The following ROBO2 variants were observed in gnomAD, a reference collection of about 807,000 sequenced individuals.
ROBO2 encodes the protein roundabout guidance receptor 2.
Under a neutral mutation model 160.8 loss-of-function variants are expected in ROBO2, and 53 were observed. The observed-to-expected ratio is 0.33, with a 90% CI of 0.26 to 0.41. The LOEUF is 0.41. Ranked by LOEUF, ROBO2 falls within the 10% of genes least tolerant of loss-of-function variation. The pLI is 1.00. For missense variants in ROBO2, 1,577 were observed against 1,722.4 expected (o/e 0.92, Z 1.49); for synonymous variants, 664 against 611.7 (o/e 1.09, Z -1.26).
At chr3:76,487,149 AT>A (rs66948422) in intron 2 of ROBO2, among the ~76,000 whole-genome samples, 69 of 147,068 alleles carry the variant, frequency 4.7e-4, no homozygotes, top group Middle Eastern at 6.9e-3. Context: ...TTTTAATTTA[AT>A]TTTTTTTTTT....
At chr3:77,196,722 GGC>G (rs2082343264) in intron 2 of ROBO2, among the ~76,000 whole-genome samples, 1 of 151,868 alleles carries the variant, frequency 6.6e-6, no homozygotes, top group South Asian at 2.1e-4. Context: ...AATAAAAAAT[GGC>G]TTGAGTTAAG....
chr3:76,272,981 A>AATATATATTATATATAAAAT (rs1559706823), intron 2 of ROBO2, among the ~76,000 whole-genome samples: 2 of 86,098 alleles, frequency 2.3e-5, no homozygotes, highest in African/African-American at 9.7e-5. Flanking sequence ...AAATATATAT[A>AATATATATTATATATAAAAT]ATATATAATA....
chr3:76,266,097 C>G, intron 2 of ROBO2, among the ~76,000 whole-genome samples: 1 of 152,092 alleles, frequency 6.6e-6, no homozygotes, highest in East Asian at 1.9e-4. Context: ...ATTGCCTTTT[C>G]TGCTTTTATT....
At chr3:76,384,385 C>G (rs2076781434) in intron 2 of ROBO2, among the ~76,000 whole-genome samples, 1 of 152,068 alleles carries the variant, frequency 6.6e-6, no homozygotes, top group African/African-American at 2.4e-5. Flanking sequence ...TTAGCCAACC[C>G]TAAGGACCCT....
intron 2 of ROBO2, among the ~76,000 whole-genome samples, chr3:76,825,404 A>C (rs2597230): frequency 0.41 from 63,018 of 151,858 alleles, 15,616 homozygotes; most frequent in Non-Finnish European, 0.56. Flanking sequence ...CAATATAAAG[A>C]AACAAAAACT....
rs140858543 is a variant in ROBO2 at position 76,942,499 on chromosome 3, G to A, written c.110-155515G>A. ...TGCTTGGGAAGCACCACTGATGTTT[G>A]AAGAGTGTTGGCCTCACTTATCAAC... On this transcript the variant is annotated intron_variant, in intron 2 of 26. Transcript: ENST00000487694. Among the ~76,000 whole-genome samples, 632 of 152,308 alleles carry A rather than the reference G, an allele frequency of 4.1e-3. 4 individuals are homozygous for A. Among genetic ancestry groups the A allele is most frequent in the African/African-American group, 0.014 (600 of 41,568 alleles).
chr3:76,880,479 G>C (rs2073223593), intron 2 of ROBO2, among the ~76,000 whole-genome samples: 1 of 152,132 alleles, frequency 6.6e-6, no homozygotes, highest in Non-Finnish European at 1.5e-5. Flanking sequence ...AATGGTGTAA[G>C]TGTTTCTATA....
intron 16 of ROBO2, among the ~76,000 whole-genome samples, chr3:77,583,852 T>C (rs552866399): frequency 9.8e-5 from 15 of 152,304 alleles, no homozygotes; most frequent in Non-Finnish European, 1.6e-4. Context: ...AGTGATGTCT[T>C]AGTTTTTACA....
intron 2 of ROBO2, among the ~76,000 whole-genome samples, chr3:76,453,896 T>C (rs2077609452): frequency 1.3e-5 from 2 of 152,092 alleles, no homozygotes; most frequent in Admixed American, 1.3e-4. Flanking sequence ...ATTGACTCTA[T>C]TACAGATAAA....
intron 2 of ROBO2, among the ~76,000 whole-genome samples, chr3:76,451,944 CTCTT>C (rs2077495679): frequency 6.6e-6 from 1 of 152,078 alleles, no homozygotes; most frequent in Non-Finnish European, 1.5e-5. Flanking sequence ...CCAATTATTT[CTCTT>C]TCTTTATGTT....
chr3:76,053,943 CTAAATA>C (rs2067745507), intron 2 of ROBO2, among the ~76,000 whole-genome samples: 1 of 152,032 alleles, frequency 6.6e-6, no homozygotes, highest in African/African-American at 2.4e-5. Context: ...TGCAAGCATA[CTAAATA>C]TAAAGTCAAT....
intron 2 of ROBO2, among the ~76,000 whole-genome samples, chr3:76,995,222 A>G (rs2060926289): frequency 6.6e-6 from 1 of 150,486 alleles, no homozygotes; most frequent in Non-Finnish European, 1.5e-5. Flanking sequence ...TCTTTGTGAT[A>G]GTTTGCTGAG....
intron 2 of ROBO2, among the ~76,000 whole-genome samples, chr3:76,220,225 C>T (rs1288549780): frequency 6.6e-6 from 1 of 150,452 alleles, no homozygotes. Context: ...ATACCTAATG[C>T]TAAATGACGA....
At chr3:76,606,583 A>G (rs2087675246) in intron 2 of ROBO2, among the ~76,000 whole-genome samples, 1 of 152,178 alleles carries the variant, frequency 6.6e-6, no homozygotes, top group African/African-American at 2.4e-5. Context: ...AAAGTCAGAA[A>G]TACCTTGGGG....
intron 2 of ROBO2, among the ~76,000 whole-genome samples, chr3:76,256,301 C>CAG: frequency 1.1e-4 from 2 of 18,778 alleles, no homozygotes; most frequent in Non-Finnish European, 1.5e-4. Context: ...CAGAGTGAGT[C>CAG]TCTCTCTCTC....
At chr3:77,545,223 G>A (rs186578022) in intron 6 of ROBO2, among the ~76,000 whole-genome samples, 3 of 152,144 alleles carry the variant, frequency 2.0e-5, no homozygotes, top group Non-Finnish European at 4.4e-5. Flanking sequence ...TCCTCAGTTT[G>A]ACTTCTGAAA....
intron 2 of ROBO2, among the ~76,000 whole-genome samples, chr3:77,474,468 A>G (rs549537138): frequency 6.6e-6 from 1 of 152,322 alleles, no homozygotes; most frequent in Non-Finnish European, 1.5e-5. Flanking sequence ...GAAACAGTAT[A>G]TCCTTTTTCT....
chr3:76,785,840 ATTG>A (rs2062939634), intron 2 of ROBO2, among the ~76,000 whole-genome samples: 2 of 151,436 alleles, frequency 1.3e-5, no homozygotes, highest in South Asian at 4.1e-4. Context: ...ATCTAAAAAG[ATTG>A]TTGGTCTTAA....
chr3:76,840,645 T>TTA (rs3068959), intron 2 of ROBO2, among the ~76,000 whole-genome samples: 9,144 of 134,484 alleles, frequency 0.068, 293 homozygotes, highest in Admixed American at 0.081. Flanking sequence ...TAATTATATT[T>TTA]TATATATATA....
Sources: gnomAD v4.1 joint callset for allele counts (sites outside exome capture counted in the v4.1 genomes callset) on GRCh38, gnomAD v4.1.1 for gene constraint, MANE v1.5 for transcripts, NCBI Gene and HGNC (gene_info 2026-07-23, HGNC 2026-07-21) for gene names.